SGCZ: variants seen among roughly 807,000 people sequenced by gnomAD.
SGCZ encodes the protein sarcoglycan zeta, also known as zeta-sarcoglycan.
A neutral mutation model predicts 41.3 loss-of-function variants in SGCZ; 40 were observed. The observed-to-expected ratio is 0.97, with a 90% CI of 0.75 to 1.26. The LOEUF (loss-of-function observed/expected upper bound fraction) is 1.26, where lower values mean the gene tolerates loss of function less well. Ranked by LOEUF, SGCZ falls within the 50% of genes most tolerant of loss-of-function variation. The probability of loss-of-function intolerance (pLI) is 0.00; values close to 1 mark genes in which losing one functional copy is unlikely to be tolerated. For missense variants in SGCZ, 552 were observed against 369.8 expected (o/e 1.49, Z -4.04); for synonymous variants, 206 against 137.5 (o/e 1.50, Z -3.49).
At chr8:15,118,955 A>G (rs1247152368) in intron 1 of SGCZ, among the ~76,000 whole-genome samples, 3 of 152,208 alleles carry the variant, frequency 2.0e-5, no homozygotes, top group Non-Finnish European at 4.4e-5. Flanking sequence ...CTTACTCTCG[A>G]CATAGGTTTT....
intron 1 of SGCZ, among the ~76,000 whole-genome samples, chr8:15,049,138 T>C (rs1804423601): frequency 6.6e-6 from 1 of 152,106 alleles, no homozygotes; most frequent in African/African-American, 2.4e-5. Context: ...TATGAAGATC[T>C]TAAAAAGAAA....
intron 1 of SGCZ, among the ~76,000 whole-genome samples, chr8:15,016,761 G>C (rs1198617888): frequency 1.3e-5 from 2 of 152,170 alleles, no homozygotes; most frequent in African/African-American, 4.8e-5. Flanking sequence ...TTGGCTCACA[G>C]TTCTGCAGGC....
At chr8:14,979,675 C>T (rs1010201367) in intron 1 of SGCZ, among the ~76,000 whole-genome samples, 3 of 152,126 alleles carry the variant, frequency 2.0e-5, no homozygotes, top group Non-Finnish European at 2.9e-5. Flanking sequence ...CATATGAATT[C>T]GAAGCTGTGC....
At chr8:14,311,500 C>T (rs1801542499) in intron 3 of SGCZ, among the ~76,000 whole-genome samples, 1 of 152,154 alleles carries the variant, frequency 6.6e-6, no homozygotes, top group Admixed American at 6.6e-5. Context: ...AAATTCACAG[C>T]TAGATCTCTT....
chr8:14,924,055 G>A (rs374599210), intron 1 of SGCZ, among the ~76,000 whole-genome samples: 8 of 152,192 alleles, frequency 5.3e-5, no homozygotes, highest in African/African-American at 1.7e-4. Flanking sequence ...CTTAAGGGGA[G>A]TTTCATGGTT....
intron 1 of SGCZ, among the ~76,000 whole-genome samples, chr8:15,111,610 C>A (rs1807057909): frequency 6.6e-6 from 1 of 152,120 alleles, no homozygotes; most frequent in East Asian, 1.9e-4. Flanking sequence ...GAAATAAATC[C>A]CTACATTTCG....
intron 3 of SGCZ, among the ~76,000 whole-genome samples, chr8:14,298,155 A>C (rs974831573): frequency 2.0e-5 from 3 of 151,984 alleles, no homozygotes; most frequent in Non-Finnish European, 4.4e-5. Flanking sequence ...CAAAATTTAA[A>C]ACACATTCAT....
At chr8:14,900,695 C>T (rs561400700) in intron 1 of SGCZ, among the ~76,000 whole-genome samples, 5 of 152,206 alleles carry the variant, frequency 3.3e-5, no homozygotes, top group Admixed American at 6.5e-5. Context: ...GTTGAATATC[C>T]TCTCATTTGC....
chr8:14,274,233 A>G (rs571589852), intron 3 of SGCZ, among the ~76,000 whole-genome samples: 2 of 152,296 alleles, frequency 1.3e-5, no homozygotes, highest in East Asian at 3.9e-4. Flanking sequence ...AAGAAAATAA[A>G]GCATTGAACT....
intron 3 of SGCZ, among the ~76,000 whole-genome samples, chr8:14,244,336 C>T (rs1585272322): frequency 6.6e-6 from 1 of 152,058 alleles, no homozygotes; most frequent in African/African-American, 2.4e-5. Flanking sequence ...TGAAACAAGT[C>T]ATATCAAATT....
intron 4 of SGCZ, among the ~76,000 whole-genome samples, chr8:14,185,172 G>A (rs187719539): frequency 6.6e-6 from 1 of 152,010 alleles, no homozygotes; most frequent in East Asian, 1.9e-4. Flanking sequence ...GAGGCCAAGA[G>A]GGGTGGATCA....
At chr8:14,152,286 C>T (rs1803734238) in intron 5 of SGCZ, among the ~76,000 whole-genome samples, 1 of 152,092 alleles carries the variant, frequency 6.6e-6, no homozygotes. Flanking sequence ...GATGTCTAGA[C>T]ATTTTACTAA....
At chr8:15,083,339 C>T (rs777829716) in intron 1 of SGCZ, among the ~76,000 whole-genome samples, 7 of 152,014 alleles carry the variant, frequency 4.6e-5, no homozygotes, top group Non-Finnish European at 7.4e-5. Flanking sequence ...CTTAGAATAA[C>T]GGTATCACCG....
intron 1 of SGCZ, among the ~76,000 whole-genome samples, chr8:14,907,003 C>T (rs572102536): frequency 6.6e-6 from 1 of 152,234 alleles, no homozygotes; most frequent in Admixed American, 6.5e-5. Context: ...TAAATCATAT[C>T]CCATAAACAA....
At chr8:14,506,786 G>T (rs956695710) in intron 2 of SGCZ, among the ~76,000 whole-genome samples, 2 of 152,088 alleles carry the variant, frequency 1.3e-5, no homozygotes, top group African/African-American at 4.8e-5. Flanking sequence ...TGACATATGT[G>T]CATCTCTCTT....
chr8:14,282,295 T>G (rs954274171), intron 3 of SGCZ, among the ~76,000 whole-genome samples: 3 of 152,130 alleles, frequency 2.0e-5, no homozygotes, highest in South Asian at 2.1e-4. Flanking sequence ...AGGGGTAGAT[T>G]AGATATCTTC....
At chr8:15,171,753 T>C (rs939146269) in intron 1 of SGCZ, among the ~76,000 whole-genome samples, 2 of 152,212 alleles carry the variant, frequency 1.3e-5, no homozygotes, top group African/African-American at 2.4e-5. Context: ...TTGCATGCAA[T>C]CTCAGATGTG....
At chr8:14,394,663 G>C (rs1428493478) in intron 2 of SGCZ, among the ~76,000 whole-genome samples, 2 of 152,066 alleles carry the variant, frequency 1.3e-5, no homozygotes, top group African/African-American at 4.8e-5. Flanking sequence ...GAAATGAAAT[G>C]ACAAAGGCCT....
chr8:14,291,130 A>G (rs886850807), intron 3 of SGCZ, among the ~76,000 whole-genome samples: 5 of 152,086 alleles, frequency 3.3e-5, no homozygotes, highest in Non-Finnish European at 4.4e-5. Context: ...TTATCACAAA[A>G]GTACAGAGTA....
Sources: allele counts gnomAD v4.1 joint callset (sites outside exome capture counted in the v4.1 genomes callset), GRCh38; gene constraint gnomAD v4.1.1; transcripts MANE v1.5; gene names NCBI Gene and HGNC (gene_info 2026-07-23, HGNC 2026-07-21).